The following FRMD4B variants were observed in gnomAD, a reference collection of about 807,000 sequenced individuals.
FRMD4B encodes FERM domain-containing protein 4B.
A neutral mutation model predicts 141.5 loss-of-function variants in FRMD4B; 74 were observed. The observed-to-expected ratio is 0.52, with a 90% CI of 0.43 to 0.63. FRMD4B has a LOEUF of 0.63. Among genes scored for constraint, FRMD4B ranks in the 30% least tolerant of loss-of-function variants. The pLI is 0.00. For synonymous variants in FRMD4B, 506 were observed against 467.9 expected (o/e 1.08, Z -1.05); for missense variants, 1,366 against 1,253.4 (o/e 1.09, Z -1.36).
At chr3:69,316,788 A>G (rs760485168) in intron 1 of FRMD4B, among the ~76,000 whole-genome samples, 13 of 152,290 alleles carry the variant, frequency 8.5e-5, no homozygotes, top group African/African-American at 1.7e-4. Context: ...ATTTAAAGCT[A>G]CTCTGTTGTC....
intron 5 of FRMD4B, among the ~76,000 whole-genome samples, chr3:69,267,642 G>T (rs1369829455): frequency 1.5e-3 from 45 of 30,940 alleles, no homozygotes; most frequent in Middle Eastern, 0.015. Flanking sequence ...TATATAGAGA[G>T]AGAGAGAGAG....
At chr3:69,402,382 T>C (rs987820960) in intron 2 of FRMD4B, among the ~76,000 whole-genome samples, 2 of 152,348 alleles carry the variant, frequency 1.3e-5, no homozygotes, top group East Asian at 1.9e-4. Context: ...AAGTATTGTG[T>C]GTGAGCTGCC....
chr3:69,292,815 C>CTT lies in FRMD4B; in HGVS notation c.417-4981_417-4980dup, dbSNP rs35818040. ...GATTCATAAAGACCTTTTTTTCAGC[C>CTT]TTTTTTTTTTTTTTTTTGCAAAAGG... is the stretch of plus-strand genomic sequence containing the variant. On this transcript the variant is annotated intron_variant, in intron 4 of 22. Coordinates refer to ENST00000398540, the MANE Select transcript of FRMD4B (RefSeq NM_015123.3). Among the ~76,000 whole-genome samples, 700 of 120,910 alleles carry CTT rather than the reference C, an allele frequency of 5.8e-3. 23 individuals carry two copies. Among genetic ancestry groups the CTT allele is most frequent in the South Asian group, 0.021 (78 of 3,654 alleles). 79.3% of individuals were successfully genotyped at this position (120,910 alleles called of 152,430 possible). A position where few individuals can be genotyped will look rare whatever the true frequency, so the allele number is the denominator to read the frequency against.
chr3:69,198,737 C>T lies in FRMD4B; in HGVS notation c.914G>A (p.Arg305His), dbSNP rs200370883. 6.3e-4 allele frequency: 989 copies of T among 1,567,964 alleles called. No individual in the cohort carries two copies. Among genetic ancestry groups the T allele is most frequent in the Non-Finnish European group, 8.1e-4 (934 of 1,149,516 alleles). ...AACTTCAACAGCAAATTTTTTCTCA[C>T]GGAAATATAAGTTCTCCAGCTGTTT... Reference protein sequence around the residue: ...QWKQLENLYFREKKFAVEVHD... With the variant: ...QWKQLENLYFHEKKFAVEVHD... The change falls in exon 12 of 23, where the codon CGT becomes CAT. Residue 305 changes from arginine to histidine, a missense_variant. Transcript: ENST00000398540.
At chr3:69,391,737 T>C (rs1704388388) in intron 2 of FRMD4B, among the ~76,000 whole-genome samples, 1 of 152,208 alleles carries the variant, frequency 6.6e-6, no homozygotes, top group African/African-American at 2.4e-5. Context: ...GACTGTCAGC[T>C]ATGTGAGGAA....
chr3:69,312,924 T>G (rs142332533), intron 2 of FRMD4B, among the ~76,000 whole-genome samples: 14 of 152,150 alleles, frequency 9.2e-5, no homozygotes, highest in Admixed American at 5.9e-4. Context: ...TCATCACTTA[T>G]ATAGTGCCAT....
chr3:69,324,926 C>A (rs1037040535), intron 1 of FRMD4B, among the ~76,000 whole-genome samples: 3 of 151,622 alleles, frequency 2.0e-5, no homozygotes, highest in African/African-American at 7.3e-5. Context: ...AAGACCCTGT[C>A]TCTACAAAAA....
At chr3:69,514,237 G>A (rs554015382) in intron 1 of FRMD4B, among the ~76,000 whole-genome samples, 1 of 152,206 alleles carries the variant, frequency 6.6e-6, no homozygotes, top group African/African-American at 2.4e-5. Context: ...TAAGAAATCA[G>A]CTGCATTTCT....
chr3:69,256,141 C>G (rs910338873), intron 5 of FRMD4B, among the ~76,000 whole-genome samples: 1 of 152,040 alleles, frequency 6.6e-6, no homozygotes, highest in African/African-American at 2.4e-5. Context: ...TGGATGCTGT[C>G]TAGGATGCTC....
intron 1 of FRMD4B, among the ~76,000 whole-genome samples, chr3:69,539,692 A>G (rs1701136379): frequency 1.3e-5 from 2 of 152,342 alleles, no homozygotes; most frequent in Admixed American, 6.5e-5. Flanking sequence ...TTCTGAATTT[A>G]AGCAAATAAA....
chr3:69,287,613 G>T (rs1169472053), intron 5 of FRMD4B, 139 bp downstream of exon 5: 4 of 639,804 alleles, frequency 6.3e-6, no homozygotes, highest in Non-Finnish European at 1.1e-5. Context: ...GTAGTTGGGG[G>T]GTAGGACATA....
chr3:69,348,740 C>T (rs377666384), intron 1 of FRMD4B, among the ~76,000 whole-genome samples: 1 of 152,104 alleles, frequency 6.6e-6, no homozygotes, highest in Non-Finnish European at 1.5e-5. Context: ...AAACCACATG[C>T]TTATCTCAAT....
Position 69,171,780 on chromosome 3 carries a change from C to T in FRMD4B, c.*81G>A, listed in dbSNP as rs528050141. The T allele has an allele frequency of 2.1e-6, 3 of 1,421,906 alleles. No individual in the cohort carries two copies. Among genetic ancestry groups the T allele is most frequent in the Non-Finnish European group, 2.9e-6 (3 of 1,022,804 alleles). 88.1% of individuals were successfully genotyped at this position (1,421,906 alleles called of 1,614,324 possible). ...GATGTCTTTAGGTTTCTAAAACGAA[C>T]ATCCTCTCGGAAGACAAATACAATT... On this transcript the variant is annotated 3_prime_UTR_variant, in exon 23 of 23. Coordinates refer to ENST00000398540, the MANE Select transcript of FRMD4B (RefSeq NM_015123.3).
intron 1 of FRMD4B, chr3:69,376,983 A>G (rs1169127226): frequency 1.3e-5 from 2 of 152,124 alleles, no homozygotes; most frequent in African/African-American, 2.4e-5. Context: ...CACTCATTTG[A>G]AGAGTCCGGA....
intron 5 of FRMD4B, among the ~76,000 whole-genome samples, chr3:69,260,943 C>T (rs189750480): frequency 1.3e-5 from 2 of 152,282 alleles, no homozygotes; most frequent in Admixed American, 1.3e-4. Context: ...TAATCAGTAC[C>T]CTGTCAAAAC....
intron 1 of FRMD4B, among the ~76,000 whole-genome samples, chr3:69,480,823 C>T (rs1264015786): frequency 6.6e-6 from 1 of 152,216 alleles, no homozygotes; most frequent in African/African-American, 2.4e-5. Context: ...GTGGAGCCTA[C>T]AGAGGCAGGC....
At chr3:69,357,711 T>G (rs1703363103) in intron 1 of FRMD4B, among the ~76,000 whole-genome samples, 1 of 152,202 alleles carries the variant, frequency 6.6e-6, no homozygotes, top group South Asian at 2.1e-4. Context: ...AGACGCACCA[T>G]AAAATCACAA....
intron 7 of FRMD4B, among the ~76,000 whole-genome samples, chr3:69,245,317 TTG>T (rs67220182): frequency 0.62 from 88,018 of 142,828 alleles, 27,875 homozygotes; most frequent in South Asian, 0.73. Flanking sequence ...CTGACTTTCT[TTG>T]TGTGTGTGTG....
chr3:69,394,718 A>G (rs759135142), intron 2 of FRMD4B, among the ~76,000 whole-genome samples: 15 of 152,238 alleles, frequency 9.9e-5, no homozygotes, highest in Admixed American at 4.6e-4. Flanking sequence ...ACATGCACAC[A>G]TATGTTTATT....
Sources: gnomAD v4.1 joint callset for allele counts (sites outside exome capture counted in the v4.1 genomes callset) on GRCh38, gnomAD v4.1.1 for gene constraint, MANE v1.5 for transcripts, NCBI Gene and HGNC (gene_info 2026-07-23, HGNC 2026-07-21) for gene names.